HLCS: variants seen among roughly 807,000 people sequenced by gnomAD.
HLCS encodes the protein holocarboxylase synthetase, also known as biotin--protein ligase.
In HLCS, 53 loss-of-function variants were observed where a neutral mutation model predicts 75.0. The observed-to-expected ratio is 0.71, with a 90% CI of 0.57 to 0.89. The LOEUF (loss-of-function observed/expected upper bound fraction) is 0.89, where lower values mean the gene tolerates loss of function less well. Ranked by LOEUF, HLCS falls within the 40% of genes least tolerant of loss-of-function variation. The probability of loss-of-function intolerance (pLI) is 0.00; values close to 1 mark genes in which losing one functional copy is unlikely to be tolerated. For synonymous variants in HLCS, 431 were observed against 428.6 expected, an observed-to-expected ratio of 1.01 and a Z score of -0.07; for missense variants, 966 against 1,074.0, an observed-to-expected ratio of 0.90 and a Z score of 1.41.
At chr21:36,974,702 C>CT (rs2068890261) in intron 1 of HLCS, 2 of 152,228 alleles carry the variant, frequency 1.3e-5, no homozygotes, top group African/African-American at 4.8e-5. Flanking sequence ...GGAGAGGAGA[C>CT]TAGACACAGA....
intron 6 of HLCS, among the ~76,000 whole-genome samples, chr21:36,874,152 T>C (rs2063869142): frequency 6.6e-6 from 1 of 152,172 alleles, no homozygotes; most frequent in Non-Finnish European, 1.5e-5. Flanking sequence ...CACCACTTCT[T>C]GAAAACACAT....
chr21:36,899,829 C>G (rs772812031), intron 5 of HLCS, among the ~76,000 whole-genome samples: 7 of 152,066 alleles, frequency 4.6e-5, no homozygotes, highest in Non-Finnish European at 7.4e-5. Flanking sequence ...AAAGTCCGGG[C>G]GCAGTGGCTC....
chr21:36,908,216 C>A (rs1390485487), intron 5 of HLCS, among the ~76,000 whole-genome samples: 1 of 151,980 alleles, frequency 6.6e-6, no homozygotes, highest in Non-Finnish European at 1.5e-5. Flanking sequence ...GACACCCAGT[C>A]TCTACAAAAA....
intron 6 of HLCS, among the ~76,000 whole-genome samples, chr21:36,836,180 A>C (rs1391151902): frequency 6.6e-6 from 1 of 151,746 alleles, no homozygotes; most frequent in Non-Finnish European, 1.5e-5. Context: ...CCACTTACAC[A>C]GCTCCATACT....
chr21:36,922,123 C>T (rs1210437200), intron 5 of HLCS, among the ~76,000 whole-genome samples: 1 of 152,042 alleles, frequency 6.6e-6, no homozygotes, highest in East Asian at 1.9e-4. Flanking sequence ...AAGCCACGTT[C>T]CTCAATTCAC....
At chr21:36,771,867 C>T (rs1385501486) in intron 6 of HLCS, among the ~76,000 whole-genome samples, 2 of 151,828 alleles carry the variant, frequency 1.3e-5, no homozygotes, top group Non-Finnish European at 2.9e-5. Context: ...GGTGTGGTGG[C>T]GGGTGCCTGT....
intron 1 of HLCS, among the ~76,000 whole-genome samples, chr21:36,984,399 A>G (rs1266368012): frequency 6.6e-6 from 1 of 152,238 alleles, no homozygotes; most frequent in African/African-American, 2.4e-5. Flanking sequence ...AAGAATGACT[A>G]GAACACAAGC....
intron 6 of HLCS, among the ~76,000 whole-genome samples, chr21:36,875,642 C>T (rs1014821145): frequency 3.9e-5 from 6 of 152,240 alleles, no homozygotes; most frequent in Non-Finnish European, 5.9e-5. Context: ...GAGCTACCCA[C>T]TTCAAGTCTC....
rs386394699 is a variant in HLCS at position 36,962,793 on chromosome 21, CAAAAAAA to C, written c.196-630_196-624del. On this transcript the variant is annotated intron_variant, in intron 1 of 10. Transcript: ENST00000674895. ...TGGGTGACAGAGTGAGACCCTATCT[CAAAAAAA>C]AAAAAAAAAAAAAAAGATGAGGAGG... Among the ~76,000 whole-genome samples the C allele has an allele frequency of 1.2e-3, 98 of 80,228 alleles. 1 individual carries two copies. The highest frequency in any genetic ancestry group is 4.2e-3 in the South Asian group (8 of 1,922). 52.6% of individuals were successfully genotyped at this position (80,228 alleles called of 152,430 possible).
At chr21:36,758,892 G>A (rs565877417) in intron 9 of HLCS, among the ~76,000 whole-genome samples, 2 of 152,112 alleles carry the variant, frequency 1.3e-5, no homozygotes, top group African/African-American at 4.8e-5. Flanking sequence ...CTGAGGCAAG[G>A]AGAATCACTT....
upstream of HLCS, among the ~76,000 whole-genome samples, chr21:36,969,020 C>G (rs2068714591): frequency 1.3e-5 from 2 of 152,132 alleles, no homozygotes; most frequent in Non-Finnish European, 2.9e-5. Flanking sequence ...TATACCAATT[C>G]TAGGTTAAAA....
At position 36,821,641 on chromosome 21, in the gene HLCS, G is replaced by A. The variant is rs1302275377; in HGVS notation, c.1893-54356C>T. On this transcript the variant is annotated intron_variant, in intron 6 of 10. Transcript: ENST00000674895. ...CTTCTGCAACCCAAATGTTCACATCGTTACCGCTTAGGAATCTCAGTTATG... is the reference window on the plus strand; with the variant it reads ...CTTCTGCAACCCAAATGTTCACATCATTACCGCTTAGGAATCTCAGTTATG... 3.9e-5 allele frequency among the ~76,000 whole-genome samples: 6 copies of A among 152,156 alleles called. No individual in the cohort carries two copies. In the South Asian group the frequency reaches 6.2e-4, roughly 16 times the overall value.
rs146389129 is a variant in HLCS at position 36,912,608 on chromosome 21, C to T, written c.1621-15477G>A. 6.9e-3 allele frequency among the ~76,000 whole-genome samples: 1,055 copies of T among 152,158 alleles called. 14 individuals carry two copies. Among genetic ancestry groups the T allele is most frequent in the African/African-American group, 0.025 (1,028 of 41,500 alleles). ...TAAAATAGTGTGGGTGTAATTTACA[C>T]CACTGAATCGGAGACTTAAAGGTGG... On this transcript the variant is annotated intron_variant, in intron 5 of 10. Coordinates refer to ENST00000674895, the MANE Select transcript of HLCS (RefSeq NM_001352514.2).
chr21:36,915,335 C>A (rs527910709), intron 5 of HLCS, among the ~76,000 whole-genome samples: 1 of 152,316 alleles, frequency 6.6e-6, no homozygotes, highest in African/African-American at 2.4e-5. Context: ...ATTTTAACAT[C>A]ATGTTATGTT....
chr21:36,980,411 G>A (rs1055226123), intron 1 of HLCS: 2 of 152,046 alleles, frequency 1.3e-5, no homozygotes, highest in African/African-American at 4.8e-5. Context: ...GAAGCACCTC[G>A]AACAAGAAAA....
At chr21:36,823,681 ATAATT>A (rs1447723905) in intron 6 of HLCS, among the ~76,000 whole-genome samples, 1 of 147,406 alleles carries the variant, frequency 6.8e-6, no homozygotes, top group Admixed American at 6.8e-5. Flanking sequence ...CATGTGCTAT[ATAATT>A]TATTTTATAA....
At chr21:36,841,600 G>T (rs2062618613) in intron 6 of HLCS, among the ~76,000 whole-genome samples, 1 of 152,232 alleles carries the variant, frequency 6.6e-6, no homozygotes, top group African/African-American at 2.4e-5. Context: ...AAAATCCTAG[G>T]CTGGGAAACA....
At chr21:36,761,422 G>A (rs1384412237) in intron 8 of HLCS, among the ~76,000 whole-genome samples, 1 of 152,106 alleles carries the variant, frequency 6.6e-6, no homozygotes, top group Non-Finnish European at 1.5e-5. Context: ...ACAGGAATAG[G>A]AGCACAGGAG....
intron 6 of HLCS, among the ~76,000 whole-genome samples, chr21:36,869,644 C>A (rs1486867615): frequency 6.6e-6 from 1 of 152,172 alleles, no homozygotes; most frequent in African/African-American, 2.4e-5. Flanking sequence ...AAAAATTCTA[C>A]TTTTGATCAT....
Sources: allele counts gnomAD v4.1 joint callset (sites outside exome capture counted in the v4.1 genomes callset), GRCh38; gene constraint gnomAD v4.1.1; transcripts MANE v1.5; gene names NCBI Gene and HGNC (gene_info 2026-07-23, HGNC 2026-07-21).